EPM2A: variants seen among roughly 807,000 people sequenced by gnomAD.
EPM2A encodes the protein EPM2A glucan phosphatase, laforin.
EPM2A carries 21 observed loss-of-function variants against 26.5 expected under a neutral mutation model. The observed-to-expected ratio is 0.79, with a 90% CI of 0.56 to 1.14. The LOEUF is 1.14. Ranked by LOEUF, EPM2A falls within the 50% of genes most tolerant of loss-of-function variation. EPM2A has a pLI of 0.00. For synonymous variants in EPM2A, 217 were observed against 177.6 expected (o/e 1.22, Z -1.76); for missense variants, 458 against 440.8 (o/e 1.04, Z -0.35).
chr6:145,575,372 C>A (rs780264707), intron 2 of EPM2A, among the ~76,000 whole-genome samples: 2 of 152,124 alleles, frequency 1.3e-5, no homozygotes, highest in Non-Finnish European at 2.9e-5. Context: ...AGACACCTGG[C>A]GAGGCAGTGC....
intron 1 of EPM2A, among the ~76,000 whole-genome samples, chr6:145,691,062 G>A (rs1781249897): frequency 6.6e-6 from 1 of 151,134 alleles, no homozygotes; most frequent in African/African-American, 2.4e-5. Context: ...TGGAAGAAGA[G>A]GGAAAAGATA....
chr6:145,463,444 A>G (rs1300766949), intron 4 of EPM2A: 1 of 152,108 alleles, frequency 6.6e-6, no homozygotes, highest in Admixed American at 6.6e-5. Context: ...ATACACATGC[A>G]TATATTTATA....
At chr6:145,436,133 T>A (rs1778985920) in intron 4 of EPM2A, among the ~76,000 whole-genome samples, 1 of 152,228 alleles carries the variant, frequency 6.6e-6, no homozygotes, top group African/African-American at 2.4e-5. Context: ...TGGCAGCCAC[T>A]GATCACCTTA....
intron 1 of EPM2A, among the ~76,000 whole-genome samples, chr6:145,711,028 G>A (rs1775290378): frequency 6.6e-6 from 1 of 151,186 alleles, no homozygotes; most frequent in African/African-American, 2.4e-5. Flanking sequence ...GTTAAATGAC[G>A]AGTTAATGGG....
At chr6:145,452,074 T>C (rs1779202186) in intron 4 of EPM2A, among the ~76,000 whole-genome samples, 1 of 152,212 alleles carries the variant, frequency 6.6e-6, no homozygotes, top group Non-Finnish European at 1.5e-5. Flanking sequence ...CCCTCTCTTT[T>C]ACACCCTGGC....
At chr6:145,532,939 A>G (rs921417601) in intron 2 of EPM2A, among the ~76,000 whole-genome samples, 2 of 151,920 alleles carry the variant, frequency 1.3e-5, no homozygotes, top group African/African-American at 4.8e-5. Flanking sequence ...TTCAAGTACA[A>G]TTTGTCCCTT....
intron 1 of EPM2A, among the ~76,000 whole-genome samples, chr6:145,716,581 T>C (rs897986338): frequency 6.6e-6 from 1 of 152,102 alleles, no homozygotes; most frequent in African/African-American, 2.4e-5. Context: ...CCTACCCCTA[T>C]CCTGGAGTGG....
chr6:145,398,791 G>C (rs9484986), intron 4 of EPM2A, among the ~76,000 whole-genome samples: 56,508 of 150,424 alleles, frequency 0.38, 10,856 homozygotes, highest in South Asian at 0.46. Flanking sequence ...ACCCAGAAGG[G>C]AGAGGTTGCA....
chr6:145,679,827 T>G (rs1780364240), intron 2 of EPM2A, among the ~76,000 whole-genome samples: 1 of 152,194 alleles, frequency 6.6e-6, no homozygotes, highest in Admixed American at 6.5e-5. Context: ...TGTAAGTTCT[T>G]CAGAGGAGCT....
At chr6:145,584,244 G>C (rs1781155999) in intron 2 of EPM2A, among the ~76,000 whole-genome samples, 1 of 152,194 alleles carries the variant, frequency 6.6e-6, no homozygotes, top group Admixed American at 6.5e-5. Flanking sequence ...CAGTGTGCTG[G>C]TGCTCTCTGA....
intron 1 of EPM2A, among the ~76,000 whole-genome samples, chr6:145,720,435 G>T (rs1190463240): frequency 1.3e-5 from 2 of 152,094 alleles, no homozygotes; most frequent in Admixed American, 1.3e-4. Flanking sequence ...AAGTGTTAAA[G>T]CAACACTTTA....
At chr6:145,384,835 A>C (rs939573793) in intron 4 of EPM2A, among the ~76,000 whole-genome samples, 3 of 148,018 alleles carry the variant, frequency 2.0e-5, no homozygotes, top group Non-Finnish European at 3.0e-5. Context: ...TTCATAGAAG[A>C]AAGAGCATCA....
At chr6:145,469,608 G>T (rs909406042) in intron 4 of EPM2A, among the ~76,000 whole-genome samples, 5 of 152,092 alleles carry the variant, frequency 3.3e-5, no homozygotes, top group Non-Finnish European at 5.9e-5. Context: ...ATAAAGAACA[G>T]TTTGGAGGTT....
At chr6:145,682,472 C>T (rs982782700) in intron 2 of EPM2A, 22 of 152,160 alleles carry the variant, frequency 1.4e-4, no homozygotes, top group African/African-American at 5.3e-4. Flanking sequence ...TCAAGTTCTA[C>T]GTCCTCATAA....
chr6:145,567,019 A>AT (rs1242207382), intron 2 of EPM2A, among the ~76,000 whole-genome samples: 1 of 152,204 alleles, frequency 6.6e-6, no homozygotes, highest in African/African-American at 2.4e-5. Flanking sequence ...TAAACCCGTC[A>AT]TTTATGAGTT....
At chr6:145,425,114 C>CT (rs1778836259) in intron 4 of EPM2A, among the ~76,000 whole-genome samples, 3 of 143,892 alleles carry the variant, frequency 2.1e-5, no homozygotes, top group Admixed American at 7.1e-5. Context: ...GGATGTAAGT[C>CT]TCCCTTCCTT....
intron 3 of EPM2A, chr6:145,630,758 T>C (rs554931032): frequency 8.5e-5 from 13 of 152,258 alleles, no homozygotes; most frequent in African/African-American, 2.9e-4. Flanking sequence ...TATTGAGCCC[T>C]TTCTACCTTC....
chr6:145,412,355 C>G (rs561592417), intron 4 of EPM2A, among the ~76,000 whole-genome samples: 2 of 152,056 alleles, frequency 1.3e-5, no homozygotes, highest in African/African-American at 4.8e-5. Context: ...ACATTCCTCA[C>G]AAATATCTTT....
intron 3 of EPM2A, chr6:145,631,318 A>G (rs1776234372): frequency 1.3e-5 from 2 of 152,296 alleles, no homozygotes; most frequent in African/African-American, 4.8e-5. Context: ...ATTTAATTTG[A>G]TAAGACATTT....
Sources: gnomAD v4.1 joint callset for allele counts (sites outside exome capture counted in the v4.1 genomes callset) on GRCh38, gnomAD v4.1.1 for gene constraint, MANE v1.5 for transcripts, NCBI Gene and HGNC (gene_info 2026-07-23, HGNC 2026-07-21) for gene names.